Variants in HVCN1 observed in about 807,000 individuals in gnomAD.
HVCN1 encodes the protein voltage-gated hydrogen channel 1.
A neutral mutation model predicts 29.2 loss-of-function variants in HVCN1; 14 were observed. That is an observed-to-expected ratio of 0.48 (90% confidence interval 0.32 to 0.75). The LOEUF (loss-of-function observed/expected upper bound fraction) is 0.75. Among genes scored for constraint, HVCN1 ranks in the 30% least tolerant of loss-of-function variants. The pLI, the probability that HVCN1 is intolerant of heterozygous loss-of-function variation, is 0.04. For synonymous variants in HVCN1, 131 were observed against 133.2 expected (o/e 0.98, Z 0.11); for missense variants, 263 against 341.8 (o/e 0.77, Z 1.82).
chr12:110,674,372 G>A (rs781583602), intron 3 of HVCN1, among the ~76,000 whole-genome samples: 2 of 152,202 alleles, frequency 1.3e-5, no homozygotes, highest in Non-Finnish European at 2.9e-5. Flanking sequence ...GTTTGTCTCA[G>A]ATGAGACTTT....
rs149864921 is a variant in HVCN1, at chr12:110,653,749, G to A, written c.411+1485C>T. Among the ~76,000 whole-genome samples, 1,045 of 152,230 alleles carry A rather than the reference G, an allele frequency of 6.9e-3. 1 individual carries two copies. The highest frequency in any genetic ancestry group is 9.4e-3 in the Non-Finnish European group (639 of 68,022). Reference sequence around the variant, plus strand: ...CCCAGTTACTCTGGAGCTGGAGGCAGGAGAATCGCTTGAACTCAGGAGGCG... The same window carrying A: ...CCCAGTTACTCTGGAGCTGGAGGCAAGAGAATCGCTTGAACTCAGGAGGCG... On this transcript the variant is annotated intron_variant, in intron 5 of 7. Coordinates refer to ENST00000242607, the MANE Select transcript of HVCN1 (RefSeq NM_032369.4).
intron 2 of HVCN1, among the ~76,000 whole-genome samples, chr12:110,697,043 G>A (rs893289135): frequency 6.6e-6 from 1 of 151,968 alleles, no homozygotes; most frequent in African/African-American, 2.4e-5. Context: ...TGGACATGTA[G>A]GGGAGAGGAA....
rs2069465742 is a variant in HVCN1, at chr12:110,694,936, G to T, written c.-103-6228C>A. ...CCTGGGTGTAAATCCTGCCTCAATG[G>T]TTTCCCTTGCCCGCTGGGTGATCTG... On this transcript the variant is annotated intron_variant, in intron 2 of 4. Coordinates refer to the HVCN1 transcript ENST00000546713. This position sits in a 1 kb window ranked among gnomAD's most constrained non-coding sequence, Gnocchi z 4.6. Among the ~76,000 whole-genome samples, 1 of 152,212 alleles carries T rather than the reference G, an allele frequency of 6.6e-6. No homozygotes were observed. The highest frequency in any genetic ancestry group is 2.1e-4 in the South Asian group (1 of 4,828).
At chr12:110,674,481 G>T (rs1014668512) in intron 3 of HVCN1, among the ~76,000 whole-genome samples, 2 of 152,146 alleles carry the variant, frequency 1.3e-5, no homozygotes, top group African/African-American at 2.4e-5. Context: ...ATTTGGAGGG[G>T]TCAGGGGCAG....
rs1397252493 is a variant in HVCN1, at chr12:110,658,762, C to A, written c.306+2402G>T. ...CCTGCCTTTCTGCAGCCTGCCAAATCCTCAATGAGGGCAAAGATGTGTCTG... is the reference window on the plus strand; with the variant it reads ...CCTGCCTTTCTGCAGCCTGCCAAATACTCAATGAGGGCAAAGATGTGTCTG... On this transcript the variant is annotated intron_variant, in intron 4 of 7. Transcript: ENST00000242607. The surrounding 1 kb of genome is among the most constrained non-coding windows in gnomAD (Gnocchi z 5.0). 6.6e-6 allele frequency among the ~76,000 whole-genome samples: 1 copy of A among 152,224 alleles called. No individual in the cohort carries two copies. Among genetic ancestry groups the A allele is most frequent in the African/African-American group, 2.4e-5 (1 of 41,458 alleles).
chr12:110,701,803 G>A (rs1260639474), intron 2 of HVCN1, among the ~76,000 whole-genome samples: 8 of 151,348 alleles, frequency 5.3e-5, no homozygotes, highest in African/African-American at 1.9e-4. Context: ...GTTGCAGTGA[G>A]CTGAGATCGT....
intron 2 of HVCN1, among the ~76,000 whole-genome samples, chr12:110,695,884 A>G (rs1266279483): frequency 2.0e-5 from 3 of 152,070 alleles, no homozygotes; most frequent in Non-Finnish European, 4.4e-5. Context: ...GGAGGCCCAC[A>G]GAAGGGGCTG....
Position 110,688,622 on chromosome 12 carries a change from G to C in HVCN1, c.-20+3C>G, listed in dbSNP as rs1202586714. Reference sequence around the variant, plus strand: ...TGCATCCGAGGACTTAGGGGACACAGACCTGGTTGTGAGTTCTGGCTCTGC... The same window carrying C: ...TGCATCCGAGGACTTAGGGGACACACACCTGGTTGTGAGTTCTGGCTCTGC... On this transcript the variant is annotated splice_donor_region_variant and intron_variant, in intron 2 of 7. Coordinates refer to ENST00000242607, the MANE Select transcript of HVCN1 (RefSeq NM_032369.4). The C allele has an allele frequency of 6.6e-6, 1 of 152,454 alleles. No individual in the cohort carries two copies. The highest frequency in any genetic ancestry group is 2.4e-5 in the African/African-American group (1 of 41,452). The allele number at this position is 152,454 out of a possible 1,614,324, so 9.4% of individuals were successfully genotyped here.
chr12:110,663,109 A>G (rs1490147047), intron 3 of HVCN1, among the ~76,000 whole-genome samples: 1 of 152,146 alleles, frequency 6.6e-6, no homozygotes, highest in Non-Finnish European at 1.5e-5. Flanking sequence ...GCGTGAAGCA[A>G]TGGGGTCTCT....
chr12:110,674,629 T>C (rs751429201), intron 3 of HVCN1, among the ~76,000 whole-genome samples: 1 of 152,202 alleles, frequency 6.6e-6, no homozygotes, highest in South Asian at 2.1e-4. Flanking sequence ...ATTCTCATGA[T>C]AGCAAATAAG....
intron 2 of HVCN1, among the ~76,000 whole-genome samples, chr12:110,700,548 C>G (rs980958435): frequency 6.6e-6 from 1 of 152,172 alleles, no homozygotes; most frequent in African/African-American, 2.4e-5. Context: ...ATGGGGAGTT[C>G]ACTTTCTGTG....
chr12:110,659,536 C>T (rs2068094174), intron 4 of HVCN1, among the ~76,000 whole-genome samples: 1 of 152,208 alleles, frequency 6.6e-6, no homozygotes, highest in Admixed American at 6.5e-5. Flanking sequence ...TTCCAGGCAC[C>T]CAGACATAGG....
At chr12:110,671,933 C>T (rs557784916) in intron 3 of HVCN1, among the ~76,000 whole-genome samples, 6 of 152,280 alleles carry the variant, frequency 3.9e-5, no homozygotes, top group South Asian at 2.1e-4. Context: ...CACACCGTGC[C>T]GCACATTTTG....
upstream of HVCN1, among the ~76,000 whole-genome samples, chr12:110,694,032 C>T (rs1248530982): frequency 1.3e-5 from 2 of 152,176 alleles, no homozygotes; most frequent in Admixed American, 1.3e-4. The surrounding 1 kb of genome is among the most constrained non-coding windows in gnomAD (Gnocchi z 4.6). Context: ...CTTGAATTTT[C>T]TGGGTGTCCT....
At chr12:110,695,082 C>A (rs958203033) in intron 2 of HVCN1, among the ~76,000 whole-genome samples, 1 of 152,160 alleles carries the variant, frequency 6.6e-6, no homozygotes, top group Admixed American at 6.5e-5. Context: ...GGGAGGCACA[C>A]AAATACTAAA....
chr12:110,665,009 A>G (rs936023148), intron 3 of HVCN1, among the ~76,000 whole-genome samples: 1 of 152,206 alleles, frequency 6.6e-6, no homozygotes, highest in African/African-American at 2.4e-5. Context: ...ATGCCTTATG[A>G]GTAGACCTAA....
At chr12:110,692,178 C>T (rs1170409727), upstream of HVCN1, among the ~76,000 whole-genome samples, 1 of 151,982 alleles carries the variant, frequency 6.6e-6, no homozygotes, top group Non-Finnish European at 1.5e-5. Context: ...TGCTACTATT[C>T]AACATTTCAC....
chr12:110,660,002 G>T (rs2068115243), intron 4 of HVCN1, among the ~76,000 whole-genome samples: 1 of 151,386 alleles, frequency 6.6e-6, no homozygotes, highest in South Asian at 2.1e-4. Flanking sequence ...AGCAGAGGTT[G>T]CAGTGAGCTG....
At chr12:110,696,905 A>G (rs1014928654) in intron 2 of HVCN1, among the ~76,000 whole-genome samples, 6 of 152,176 alleles carry the variant, frequency 3.9e-5, no homozygotes, top group African/African-American at 1.4e-4. Flanking sequence ...TAGGGAAGAT[A>G]AAAATGGAAG....
Sources: gnomAD v4.1 joint callset for allele counts (sites outside exome capture counted in the v4.1 genomes callset) on GRCh38, gnomAD v4.1.1 for gene constraint, Gnocchi (gnomAD v3.1) non-coding constraint, MANE v1.5 for transcripts, NCBI Gene and HGNC (gene_info 2026-07-23, HGNC 2026-07-21) for gene names.